The following BAZ1A variants were observed in gnomAD, a reference collection of about 807,000 sequenced individuals.
The protein encoded by BAZ1A is bromodomain adjacent to zinc finger domain 1A, also known as bromodomain adjacent to zinc finger domain protein 1A.
A neutral mutation model predicts 185.2 loss-of-function variants in BAZ1A; 50 were observed. The observed-to-expected ratio is 0.27, with a 90% CI of 0.22 to 0.34. The LOEUF is 0.34. Among genes scored for constraint, BAZ1A ranks in the 10% least tolerant of loss-of-function variants. BAZ1A has a pLI of 1.00. For synonymous variants in BAZ1A, 571 were observed against 615.6 expected, an observed-to-expected ratio of 0.93 and a Z score of 1.07; for missense variants, 1,356 against 1,839.9, an observed-to-expected ratio of 0.74 and a Z score of 4.81.
At chr14:34,812,479 T>C (rs1224514502) in intron 4 of BAZ1A, among the ~76,000 whole-genome samples, 1 of 152,114 alleles carries the variant, frequency 6.6e-6, no homozygotes, top group Non-Finnish European at 1.5e-5. Context: ...TAACTTACAC[T>C]TCAGAAGGGT....
rs545609480 is a variant in BAZ1A at position 34,783,302 on chromosome 14, TTAATC to T, written c.1998-75_1998-71del. 2.2e-5 allele frequency: 20 copies of T among 913,054 alleles called. No individual in the cohort carries two copies. The African/African-American group carries it at 2.5e-4, about 12-fold the overall frequency. The allele number at this position is 913,054 out of a possible 1,614,324, so 56.6% of individuals were successfully genotyped here. ...ACATTTCACTTTTAGCATCTTGTCT[TTAATC>T]AAATCATGGAAAGTACTTCAAACAT... On this transcript the variant is annotated intron_variant, in intron 15 of 26. Coordinates refer to ENST00000360310, the MANE Select transcript of BAZ1A (RefSeq NM_013448.3).
Position 34,776,211 on chromosome 14 carries a change from A to C in BAZ1A, c.2541T>G (p.Asn847Lys). 6.2e-7 allele frequency: 1 copy of C among 1,614,166 alleles called. No individual in the cohort carries two copies. Among genetic ancestry groups the C allele is most frequent in the Non-Finnish European group, 8.5e-7 (1 of 1,180,020 alleles). Residue 847 changes from asparagine to lysine, a missense_variant, in exon 18 of 27, where the codon AAT becomes AAG. By Grantham distance (94) the Asn-to-Lys change is moderately conservative. This residue lies in a region of BAZ1A where 434 missense variants were observed against 561.7 expected (regional missense o/e 0.77). Transcript: ENST00000360310. Reference protein sequence around the residue: ...LLPRPSSFQNNVQSQDPQVST... With the variant: ...LLPRPSSFQNKVQSQDPQVST... ...ATACCTGAGGATCTTGAGACTGTAC[A>C]TTATTCTGAAATGATGAAGGTCTAG...
chr14:34,819,891 A>G (rs985505124), intron 4 of BAZ1A, among the ~76,000 whole-genome samples: 2 of 152,204 alleles, frequency 1.3e-5, no homozygotes, highest in Non-Finnish European at 1.5e-5. Context: ...TTCCACCAGC[A>G]ATAAATGGAG....
chr14:34,757,575 G>A (rs1886311974), intron 25 of BAZ1A, among the ~76,000 whole-genome samples: 1 of 151,578 alleles, frequency 6.6e-6, no homozygotes, highest in African/African-American at 2.4e-5. Flanking sequence ...TGAGGCAGGA[G>A]AATCGCTTGA....
At chr14:34,796,469 A>G (rs1356750801) in intron 9 of BAZ1A, among the ~76,000 whole-genome samples, 1 of 152,228 alleles carries the variant, frequency 6.6e-6, no homozygotes. Flanking sequence ...GTCATTTTCA[A>G]GATTCATTTG....
chr14:34,792,543 A>C (rs1360320369), intron 12 of BAZ1A, among the ~76,000 whole-genome samples: 1 of 152,214 alleles, frequency 6.6e-6, no homozygotes, highest in Non-Finnish European at 1.5e-5. Context: ...TAAAGGAATA[A>C]AAGCAAGATA....
chr14:34,838,883 T>C (rs1274023667), intron 3 of BAZ1A, among the ~76,000 whole-genome samples: 2 of 152,130 alleles, frequency 1.3e-5, no homozygotes, highest in African/African-American at 4.8e-5. Flanking sequence ...AAAGGTTTAA[T>C]TTTAAAATAC....
chr14:34,863,672 G>A (rs2042808440), intron 2 of BAZ1A, among the ~76,000 whole-genome samples: 1 of 151,680 alleles, frequency 6.6e-6, no homozygotes, highest in Non-Finnish European at 1.5e-5. Flanking sequence ...ATAATGGGTA[G>A]GAAAAACATG....
chr14:34,781,913 G>T (rs902629921), intron 16 of BAZ1A, among the ~76,000 whole-genome samples: 1 of 152,244 alleles, frequency 6.6e-6, no homozygotes, highest in African/African-American at 2.4e-5. Context: ...CCACGGAAGA[G>T]ATATACCTTT....
chr14:34,870,698 A>G (rs958956103), intron 2 of BAZ1A, among the ~76,000 whole-genome samples: 10 of 152,224 alleles, frequency 6.6e-5, no homozygotes, highest in Middle Eastern at 3.2e-3. Flanking sequence ...TTTCCATAAT[A>G]AGCACTATGT....
At chr14:34,806,180 CT>C (rs1235521119) in intron 6 of BAZ1A, among the ~76,000 whole-genome samples, 2 of 151,880 alleles carry the variant, frequency 1.3e-5, no homozygotes, top group Admixed American at 6.6e-5. Context: ...TAAACTCATT[CT>C]TTTTTTTAAA....
intron 7 of BAZ1A, among the ~76,000 whole-genome samples, chr14:34,802,129 C>T (rs2138658261): frequency 6.6e-6 from 1 of 152,202 alleles, no homozygotes; most frequent in Middle Eastern, 3.4e-3. Context: ...AGAAAAAAGA[C>T]ATACCAGAAA....
intron 25 of BAZ1A, among the ~76,000 whole-genome samples, chr14:34,755,459 C>T (rs1317591351): frequency 6.6e-6 from 1 of 152,084 alleles, no homozygotes; most frequent in African/African-American, 2.4e-5. Flanking sequence ...AACCATCCAC[C>T]ATTCACCATA....
chr14:34,833,294 C>T (rs775094234), intron 3 of BAZ1A, among the ~76,000 whole-genome samples: 6 of 151,940 alleles, frequency 3.9e-5, no homozygotes, highest in African/African-American at 7.2e-5. Flanking sequence ...TTTGGGAGAC[C>T]GAGGCGGGTG....
At chr14:34,807,127 T>C (rs1379253909) in intron 6 of BAZ1A, among the ~76,000 whole-genome samples, 1 of 149,450 alleles carries the variant, frequency 6.7e-6, no homozygotes, top group Non-Finnish European at 1.5e-5. Context: ...AATCTGTCTA[T>C]TCTTTGTAAG....
At chr14:34,784,438 T>C (rs1419190303) in intron 14 of BAZ1A, among the ~76,000 whole-genome samples, 3 of 151,078 alleles carry the variant, frequency 2.0e-5, no homozygotes, top group African/African-American at 7.3e-5. Flanking sequence ...ATATGAGGCA[T>C]TTCAAATGTC....
chr14:34,798,050 C>T (rs1331932971), intron 9 of BAZ1A, among the ~76,000 whole-genome samples: 11 of 152,384 alleles, frequency 7.2e-5, no homozygotes, highest in Admixed American at 2.6e-4. Flanking sequence ...GTCCCATGCC[C>T]ACAAAGCCTT....
At chr14:34,867,548 A>G (rs1483556643) in intron 2 of BAZ1A, among the ~76,000 whole-genome samples, 1 of 152,284 alleles carries the variant, frequency 6.6e-6, no homozygotes, top group Non-Finnish European at 1.5e-5. Flanking sequence ...CACAAATGCC[A>G]CAACCAGTGA....
At position 34,797,444 on chromosome 14, in the gene BAZ1A, A is replaced by G. The variant is rs185567287; in HGVS notation, c.1129-1679T>C. 1.3e-3 allele frequency among the ~76,000 whole-genome samples: 204 copies of G among 152,240 alleles called. 1 individual carries two copies. The highest frequency in any genetic ancestry group is 4.5e-3 in the African/African-American group (188 of 41,564). On this transcript the variant is annotated intron_variant, in intron 9 of 26. Coordinates refer to ENST00000360310, the MANE Select transcript of BAZ1A (RefSeq NM_013448.3). ...CGTGGTGGTGGGCACTTCTAGTCCC[A>G]GCCACTCGGGAGGCTGAGGCAGGAG...
Sources: allele counts gnomAD v4.1 joint callset (sites outside exome capture counted in the v4.1 genomes callset), GRCh38; gene constraint gnomAD v4.1.1; regional missense constraint gnomAD v4.1.1; transcripts MANE v1.5; gene names NCBI Gene and HGNC (gene_info 2026-07-23, HGNC 2026-07-21).